The following SLC37A3 variants were observed in gnomAD, a reference collection of about 807,000 sequenced individuals.
The protein encoded by SLC37A3 is sugar phosphate exchanger 3.
In SLC37A3, 51 loss-of-function variants were observed where a neutral mutation model predicts 67.1. The ratio of observed to expected loss-of-function variants is 0.76; its 90% CI spans 0.61 to 0.96. The LOEUF (loss-of-function observed/expected upper bound fraction) is 0.96, where lower values mean the gene tolerates loss of function less well. Among genes scored for constraint, SLC37A3 ranks in the 40% least tolerant of loss-of-function variants. SLC37A3 has a pLI of 0.00. For missense variants in SLC37A3, 508 were observed against 603.0 expected, an observed-to-expected ratio of 0.84 and a Z score of 1.65; for synonymous variants, 214 against 231.4, an observed-to-expected ratio of 0.92 and a Z score of 0.68.
chr7:140,374,063 T>C (rs983588795), intron 3 of SLC37A3, among the ~76,000 whole-genome samples: 3 of 152,218 alleles, frequency 2.0e-5, no homozygotes, highest in Admixed American at 6.5e-5. Context: ...CTAGTATCTA[T>C]AGATATAAAC....
chr7:140,366,675 G>A (rs1373930221), intron 4 of SLC37A3, among the ~76,000 whole-genome samples: 4 of 152,244 alleles, frequency 2.6e-5, no homozygotes. Context: ...TGAGTGGCTC[G>A]AAGAGAAGCG....
At chr7:140,343,699 T>C in intron 12 of SLC37A3, 136 bp from the exon 13 acceptor site, 2 of 848,160 alleles carry the variant, frequency 2.4e-6, no homozygotes, top group South Asian at 1.8e-5. Context: ...CCCCAGATAG[T>C]ATCATTTTCA....
At chr7:140,373,263 T>C (rs1034616557) in intron 3 of SLC37A3, among the ~76,000 whole-genome samples, 1 of 152,056 alleles carries the variant, frequency 6.6e-6, no homozygotes. Flanking sequence ...GCCAATAATT[T>C]TTCATATTCT....
chr7:140,395,063 T>A (rs567354472), intron 1 of SLC37A3, among the ~76,000 whole-genome samples: 4 of 152,046 alleles, frequency 2.6e-5, no homozygotes, highest in Non-Finnish European at 5.9e-5. Context: ...GTTAGAACTA[T>A]CACACCCTTC....
At chr7:140,336,564 C>T (rs1056205790) in intron 14 of SLC37A3, among the ~76,000 whole-genome samples, 2 of 152,170 alleles carry the variant, frequency 1.3e-5, no homozygotes, top group African/African-American at 2.4e-5. Context: ...AACCGGGAAA[C>T]ATGACAGTGT....
At chr7:140,381,041 G>A (rs1216232930) in intron 2 of SLC37A3, among the ~76,000 whole-genome samples, 1 of 151,528 alleles carries the variant, frequency 6.6e-6, no homozygotes, top group Non-Finnish European at 1.5e-5. Flanking sequence ...GGGATCACAG[G>A]CACGTGCCAT....
intron 5 of SLC37A3, among the ~76,000 whole-genome samples, chr7:140,359,284 A>C (rs1476054896): frequency 6.6e-6 from 1 of 150,912 alleles, no homozygotes; most frequent in Non-Finnish European, 1.5e-5. Flanking sequence ...TGGAGCTTGC[A>C]GTGAGCCAAG....
In SLC37A3 at chr7:140,358,657, G is replaced by C. The variant is rs775058470; in HGVS notation, c.504C>G (p.Asn168Lys). The C allele has an allele frequency of 3.1e-6, 5 of 1,614,028 alleles. No individual in the cohort carries two copies. Among genetic ancestry groups the C allele is most frequent in the African/African-American group, 1.3e-5 (1 of 74,922 alleles). The change falls in exon 6 of 15, where the codon AAC becomes AAG. Residue 168 changes from asparagine (N) to lysine (K), a missense_variant. Coordinates refer to ENST00000326232, the MANE Select transcript of SLC37A3 (RefSeq NM_207113.3). ...TGGCATACCCGGCTTTCCCAAACCA[G>C]TTGCCCATAACAGCAACCACACAGG... ...GWPCVVAVMG[N>K]WFGKAGRGVV...
At chr7:140,343,834 G>A (rs1469512813) in intron 12 of SLC37A3, 4 of 365,996 alleles carry the variant, frequency 1.1e-5, no homozygotes, top group Non-Finnish European at 2.0e-5. Context: ...ATCCTGTGAA[G>A]TTTACATTCA....
Position 140,345,940 on chromosome 7 carries a change from A to G in SLC37A3, c.1055T>C (p.Val352Ala). Residue 352 changes from valine to alanine, a missense_variant, in exon 11 of 15, where the codon GTA (valine) becomes GCA (alanine). By Grantham distance (64) the Val-to-Ala change is moderately conservative. Coordinates refer to ENST00000326232, the MANE Select transcript of SLC37A3 (RefSeq NM_207113.3). Reference protein sequence around the residue: ...GGTLQGFISDVLQKRAPVLAL... With the variant: ...GGTLQGFISDALQKRAPVLAL... ...AAGAACCGGCGCTCTCTTCTGTAGT[A>G]CATCAGAGATGAAGCCTTGCAAAGT... 1 of 1,613,978 alleles carries G rather than the reference A, an allele frequency of 6.2e-7. No homozygotes were observed.
intron 6 of SLC37A3, 37 bp from the exon 7 acceptor site, chr7:140,355,801 T>C: frequency 6.4e-7 from 1 of 1,560,614 alleles, no homozygotes; most frequent in Non-Finnish European, 8.8e-7. Flanking sequence ...AGGGCCATGG[T>C]CAGAAGAGAT....
intron 3 of SLC37A3, 156 bp downstream of exon 3, chr7:140,380,126 G>A (rs1010561278): frequency 2.2e-6 from 1 of 446,894 alleles, no homozygotes; most frequent in Non-Finnish European, 4.0e-6. Context: ...GTCAGAGCAG[G>A]CTTTGAAATT....
chr7:140,358,060 G>T (rs886720649), intron 6 of SLC37A3, among the ~76,000 whole-genome samples: 3 of 151,978 alleles, frequency 2.0e-5, no homozygotes, highest in Admixed American at 2.0e-4. Context: ...TGGTGACAGA[G>T]CAAGACTCTG....
intron 1 of SLC37A3, among the ~76,000 whole-genome samples, chr7:140,391,952 ACT>A (rs927202126): frequency 1.3e-5 from 2 of 152,098 alleles, no homozygotes; most frequent in Admixed American, 6.6e-5. Flanking sequence ...TTGCAAACAT[ACT>A]CTCAGACCTT....
intron 3 of SLC37A3, chr7:140,379,494 A>G (rs989201271): frequency 6.6e-6 from 1 of 151,422 alleles, no homozygotes; most frequent in African/African-American, 2.4e-5. Context: ...AAAAAAAAAG[A>G]AACCATTAGA....
intron 3 of SLC37A3, among the ~76,000 whole-genome samples, chr7:140,374,150 C>T (rs1797930263): frequency 1.3e-5 from 2 of 152,090 alleles, no homozygotes; most frequent in South Asian, 4.1e-4. Context: ...TTCTGAGGTA[C>T]TTACTAATTA....
At chr7:140,351,038 G>A (rs530528084) in intron 9 of SLC37A3, among the ~76,000 whole-genome samples, 1 of 152,220 alleles carries the variant, frequency 6.6e-6, no homozygotes, top group East Asian at 1.9e-4. Flanking sequence ...GAGACTGGAT[G>A]GTTCCCCGAA....
intron 10 of SLC37A3, 164 bp downstream of exon 10, chr7:140,348,458 TTTTC>T (rs200377215): frequency 0.063 from 38,850 of 616,882 alleles, 1,199 homozygotes; most frequent in East Asian, 0.21. Flanking sequence ...TTTTCTTTTC[TTTTC>T]TTTTTTTTTT....
At chr7:140,346,675 G>A (rs983024195) in intron 10 of SLC37A3, among the ~76,000 whole-genome samples, 4 of 152,078 alleles carry the variant, frequency 2.6e-5, no homozygotes, top group African/African-American at 9.7e-5. Flanking sequence ...CAAGGCTGGG[G>A]GACTGCTTGA....
Sources: allele counts gnomAD v4.1 joint callset (sites outside exome capture counted in the v4.1 genomes callset), GRCh38; gene constraint gnomAD v4.1.1; transcripts MANE v1.5; gene names NCBI Gene and HGNC (gene_info 2026-07-23, HGNC 2026-07-21).